Variants in TMEM248 observed in about 807,000 individuals in gnomAD.
TMEM248 encodes UPF0458 protein C7orf42.
Under a neutral mutation model 30.3 loss-of-function variants are expected in TMEM248, and 9 were observed. The observed-to-expected ratio is 0.30, with a 90% CI of 0.18 to 0.52. TMEM248 has a LOEUF of 0.52. Among genes scored for constraint, TMEM248 ranks in the 20% least tolerant of loss-of-function variants. The probability of loss-of-function intolerance (pLI) is 0.97; values close to 1 mark genes in which losing one functional copy is unlikely to be tolerated. For synonymous variants in TMEM248, 184 were observed against 154.4 expected (o/e 1.19, Z -1.42); for missense variants, 338 against 403.3 (o/e 0.84, Z 1.39).
At chr7:66,934,492 C>T (rs1309138133) in intron 1 of TMEM248, among the ~76,000 whole-genome samples, 1 of 152,146 alleles carries the variant, frequency 6.6e-6, no homozygotes, top group Non-Finnish European at 1.5e-5. Flanking sequence ...TGAACCACTG[C>T]GCCCGGTCCA....
At chr7:66,930,265 T>C (rs1485643136) in intron 1 of TMEM248, among the ~76,000 whole-genome samples, 1 of 152,014 alleles carries the variant, frequency 6.6e-6, no homozygotes, top group Non-Finnish European at 1.5e-5. Flanking sequence ...GGCCTTTGGG[T>C]CATCTAAGGA....
intron 6 of TMEM248, 71 bp downstream of exon 6, chr7:66,953,440 T>G (rs1792320370): frequency 6.5e-7 from 1 of 1,548,482 alleles, no homozygotes; most frequent in East Asian, 2.3e-5. Context: ...CCAGTTATCC[T>G]TATTCTATTT....
intron 4 of TMEM248, 49 bp downstream of exon 4, chr7:66,948,743 C>T (rs199966507): frequency 1.3e-5 from 21 of 1,575,456 alleles, no homozygotes; most frequent in African/African-American, 2.7e-5. Context: ...CTCCACTTGC[C>T]GTGAGTACGG....
intron 2 of TMEM248, among the ~76,000 whole-genome samples, chr7:66,943,123 A>G (rs999539804): frequency 7.9e-5 from 12 of 152,120 alleles, no homozygotes; most frequent in Admixed American, 7.2e-4. Context: ...ACTAAGAGAC[A>G]TACTGGCTGG....
chr7:66,930,279 A>G (rs1308809954), intron 1 of TMEM248, among the ~76,000 whole-genome samples: 2 of 152,210 alleles, frequency 1.3e-5, no homozygotes, highest in South Asian at 2.1e-4. Context: ...CTAAGGAGAT[A>G]GCTCCAGTAG....
rs1792422470 is a variant in TMEM248 at position 66,957,033 on chromosome 7, T to C, written c.*1511T>C. On this transcript the variant is annotated 3_prime_UTR_variant, in exon 7 of 7. Coordinates refer to ENST00000341567, the MANE Select transcript of TMEM248 (RefSeq NM_017994.5). Reference sequence around the variant, plus strand: ...TGTTTCTTTTTCTTTCTAATCCTTATTCATTTAAGCAAAACCATACATTAT... The same window carrying C: ...TGTTTCTTTTTCTTTCTAATCCTTACTCATTTAAGCAAAACCATACATTAT... 6.6e-6 allele frequency: 1 copy of C among 152,642 alleles called. No homozygotes were observed. Among genetic ancestry groups the C allele is most frequent in the Non-Finnish European group, 1.5e-5 (1 of 68,032 alleles). The allele number at this position is 152,642 out of a possible 1,614,324, so 9.5% of individuals were successfully genotyped here.
intron 1 of TMEM248, among the ~76,000 whole-genome samples, chr7:66,932,846 A>G (rs985418563): frequency 2.0e-5 from 3 of 149,410 alleles, no homozygotes; most frequent in Admixed American, 6.7e-5. Flanking sequence ...ACTGTATGTG[A>G]TATTTTAAGA....
chr7:66,922,879 T>C (rs1791422721), intron 1 of TMEM248, among the ~76,000 whole-genome samples: 1 of 152,052 alleles, frequency 6.6e-6, no homozygotes, highest in Non-Finnish European at 1.5e-5. Context: ...CTAATTTTTG[T>C]ATTTTTAGTA....
At chr7:66,924,647 C>G (rs966815960) in intron 1 of TMEM248, among the ~76,000 whole-genome samples, 3 of 152,046 alleles carry the variant, frequency 2.0e-5, no homozygotes, top group African/African-American at 7.2e-5. Context: ...TCAGGTGGTC[C>G]GCCCACTGCG....
At chr7:66,925,560 C>T (rs1015851055) in intron 1 of TMEM248, among the ~76,000 whole-genome samples, 3 of 152,046 alleles carry the variant, frequency 2.0e-5, no homozygotes, top group African/African-American at 4.8e-5. Flanking sequence ...TAACGTTCAT[C>T]GCTTCTGTCC....
chr7:66,945,289 C>T (rs1792068394), intron 3 of TMEM248, 28 bp downstream of exon 3: 2 of 1,602,994 alleles, frequency 1.2e-6, no homozygotes, highest in South Asian at 2.2e-5. Context: ...TCCACTCAGG[C>T]TCCTTAGGCA....
chr7:66,947,642 T>A (rs536306001), intron 3 of TMEM248, among the ~76,000 whole-genome samples: 4 of 151,410 alleles, frequency 2.6e-5, no homozygotes, highest in Non-Finnish European at 4.4e-5. Flanking sequence ...CTTCAAATGA[T>A]CCGCCCGCCT....
In TMEM248 at chr7:66,948,530, T is replaced by C; in HGVS notation, c.446-14T>C. The C allele has an allele frequency of 1.2e-6, 2 of 1,609,516 alleles. No individual in the cohort carries two copies. The highest frequency in any genetic ancestry group is 1.7e-6 in the Non-Finnish European group (2 of 1,177,814). On this transcript the variant is annotated splice_polypyrimidine_tract_variant and intron_variant, in intron 3 of 6. Coordinates refer to ENST00000341567, the MANE Select transcript of TMEM248 (RefSeq NM_017994.5). ...GGTTCTTGACTTTATAAAAAAATGA[T>C]TTCTCTTTCATAGGCAGGGAAGCCC... is the stretch of plus-strand genomic sequence containing the variant.
At chr7:66,934,669 A>T (rs1389869386) in intron 1 of TMEM248, among the ~76,000 whole-genome samples, 5 of 152,152 alleles carry the variant, frequency 3.3e-5, no homozygotes, top group Non-Finnish European at 7.3e-5. Context: ...CTTGAAGTGA[A>T]TTCTAATTCA....
chr7:66,946,429 A>AATT (rs1353923921), intron 3 of TMEM248, among the ~76,000 whole-genome samples: 1 of 151,728 alleles, frequency 6.6e-6, no homozygotes, highest in Non-Finnish European at 1.5e-5. Context: ...AATGCAAAAA[A>AATT]ATTAGCCAGG....
intron 1 of TMEM248, among the ~76,000 whole-genome samples, chr7:66,941,229 A>G (rs1791940604): frequency 6.6e-6 from 1 of 152,038 alleles, no homozygotes; most frequent in Non-Finnish European, 1.5e-5. Context: ...AAAAATACAA[A>G]AATTAGCTGG....
intron 1 of TMEM248, among the ~76,000 whole-genome samples, chr7:66,931,297 CAAAAA>C (rs758131446): frequency 0.21 from 13,479 of 64,058 alleles, 513 homozygotes; most frequent in African/African-American, 0.27. Flanking sequence ...GACAATATCT[CAAAAA>C]AAAAAAAAAA....
At chr7:66,942,740 C>T (rs900468878) in intron 2 of TMEM248, among the ~76,000 whole-genome samples, 1 of 152,124 alleles carries the variant, frequency 6.6e-6, no homozygotes, top group African/African-American at 2.4e-5. Context: ...AGGTGATCCA[C>T]CCATCTCGGC....
intron 1 of TMEM248, among the ~76,000 whole-genome samples, 178 bp from the exon 2 acceptor site, chr7:66,941,670 C>CATTTA (rs1223913827): frequency 6.6e-6 from 1 of 151,876 alleles, no homozygotes; most frequent in East Asian, 1.9e-4. Flanking sequence ...TGGCAGTTAA[C>CATTTA]ATTTAGTGTT....
Sources: gnomAD v4.1 joint callset for allele counts (sites outside exome capture counted in the v4.1 genomes callset) on GRCh38, gnomAD v4.1.1 for gene constraint, MANE v1.5 for transcripts, NCBI Gene and HGNC (gene_info 2026-07-23, HGNC 2026-07-21) for gene names.